BMPR1B: variants seen among roughly 807,000 people sequenced by gnomAD.
BMPR1B encodes the protein bone morphogenetic protein receptor type-1B.
A neutral mutation model predicts 59.1 loss-of-function variants in BMPR1B; 12 were observed. That is an observed-to-expected ratio of 0.20 (90% CI 0.13 to 0.33). The LOEUF (loss-of-function observed/expected upper bound fraction) is 0.33. Ranked by LOEUF, BMPR1B falls within the 10% of genes least tolerant of loss-of-function variation. BMPR1B has a pLI of 1.00. For synonymous variants in BMPR1B, 237 were observed against 207.3 expected (o/e 1.14, Z -1.23); for missense variants, 550 against 610.9 (o/e 0.90, Z 1.05).
At chr4:94,864,052 A>T (rs1247505711) in intron 1 of BMPR1B, among the ~76,000 whole-genome samples, 2 of 152,226 alleles carry the variant, frequency 1.3e-5, no homozygotes, top group Non-Finnish European at 2.9e-5. Context: ...CCTTTATTAT[A>T]CATTTTAGCT....
intron 1 of BMPR1B, among the ~76,000 whole-genome samples, chr4:94,841,460 C>G (rs899570814): frequency 6.6e-6 from 1 of 152,190 alleles, no homozygotes; most frequent in Non-Finnish European, 1.5e-5. Flanking sequence ...GATATAATCT[C>G]GTGCTGCGCT....
chr4:94,792,981 C>A (rs184697373), intron 1 of BMPR1B, among the ~76,000 whole-genome samples: 23 of 150,062 alleles, frequency 1.5e-4, no homozygotes, highest in Admixed American at 1.3e-3. Context: ...TAATGATTTT[C>A]CAATAGAAGG....
chr4:95,085,078 G>A (rs190201063), intron 3 of BMPR1B, among the ~76,000 whole-genome samples: 132 of 152,272 alleles, frequency 8.7e-4, no homozygotes, highest in Middle Eastern at 6.8e-3. Context: ...TCCTCTCAGA[G>A]TTCTCATCCC....
chr4:94,966,940 T>C (rs1438103412), intron 2 of BMPR1B, among the ~76,000 whole-genome samples: 2 of 152,170 alleles, frequency 1.3e-5, no homozygotes, highest in Admixed American at 6.5e-5. Context: ...CTGGAAGTTC[T>C]ATGAAGAGAG....
At chr4:94,980,944 G>A (rs956689610) in intron 2 of BMPR1B, among the ~76,000 whole-genome samples, 2 of 151,830 alleles carry the variant, frequency 1.3e-5, no homozygotes, top group Admixed American at 6.6e-5. Flanking sequence ...GCAGTGAGCC[G>A]AGATTGCATT....
chr4:95,073,065 A>C (rs911293282), intron 3 of BMPR1B, among the ~76,000 whole-genome samples: 7 of 152,204 alleles, frequency 4.6e-5, no homozygotes, highest in Non-Finnish European at 8.8e-5. Flanking sequence ...TCTATCTGTT[A>C]TGCTTCTTGG....
At chr4:94,996,416 C>T (rs962043955) in intron 3 of BMPR1B, 2 of 152,128 alleles carry the variant, frequency 1.3e-5, no homozygotes, top group Non-Finnish European at 2.9e-5. Flanking sequence ...CTGTCAAACT[C>T]GAGGTCTTCC....
At chr4:95,154,089 T>G (rs1418378226) in intron 12 of BMPR1B, among the ~76,000 whole-genome samples, 1 of 152,218 alleles carries the variant, frequency 6.6e-6, no homozygotes, top group Non-Finnish European at 1.5e-5. Flanking sequence ...GGAGAAAGTT[T>G]TAGTGATGCT....
In BMPR1B at chr4:95,129,947, G is replaced by T. The variant is rs35973133; in HGVS notation, c.671G>T (p.Arg224Leu). The T allele has an allele frequency of 6.2e-6, 10 of 1,613,942 alleles. No individual in the cohort carries two copies. Among genetic ancestry groups the T allele is most frequent in the East Asian group, 2.2e-5 (1 of 44,878 alleles). Residue 224 changes from arginine to leucine, a missense_variant, in exon 9 of 13, where the codon CGT (arginine) becomes CTT (leucine). Arg to Leu is a moderately radical substitution (Grantham distance 102). This residue lies in a region of BMPR1B where 318 missense variants were observed against 284.6 expected (regional missense o/e 1.12). Transcript: ENST00000515059. ...GGGGAAGTTTGGATGGGAAAGTGGC[G>T]TGGCGAAAAGGTAGCTGTGAAAGTG... ...RYGEVWMGKW[R>L]GEKVAVKVFF... is the part of the protein sequence containing the mutation.
intron 2 of BMPR1B, among the ~76,000 whole-genome samples, chr4:94,887,583 T>C (rs963440615): frequency 6.6e-6 from 1 of 151,252 alleles, no homozygotes; most frequent in Non-Finnish European, 1.5e-5. Context: ...GGTAAATAAA[T>C]ACAAGAAAAT....
At chr4:95,058,622 A>G (rs1727109565) in intron 3 of BMPR1B, among the ~76,000 whole-genome samples, 1 of 152,186 alleles carries the variant, frequency 6.6e-6, no homozygotes, top group Non-Finnish European at 1.5e-5. Context: ...GCCAAGGCCA[A>G]TAGCACGGAG....
intron 2 of BMPR1B, among the ~76,000 whole-genome samples, chr4:94,922,587 G>C (rs1728745395): frequency 6.6e-6 from 1 of 152,080 alleles, no homozygotes; most frequent in African/African-American, 2.4e-5. Context: ...GGGAACCTTT[G>C]ATGGTAATTT....
intron 3 of BMPR1B, among the ~76,000 whole-genome samples, chr4:95,015,894 T>C (rs1202610480): frequency 6.6e-6 from 1 of 152,182 alleles, no homozygotes; most frequent in Non-Finnish European, 1.5e-5. Context: ...GGTTTCACCA[T>C]GTTGGCCAGT....
chr4:94,903,932 A>T (rs191625259), intron 2 of BMPR1B, among the ~76,000 whole-genome samples: 2 of 152,152 alleles, frequency 1.3e-5, no homozygotes, highest in East Asian at 3.9e-4. Flanking sequence ...TCTTTAAGCC[A>T]TCCAATGTGT....
At chr4:94,995,238 A>G (rs1314014244) in intron 2 of BMPR1B, among the ~76,000 whole-genome samples, 2 of 152,198 alleles carry the variant, frequency 1.3e-5, no homozygotes, top group African/African-American at 2.4e-5. Flanking sequence ...TGTTATAAAT[A>G]TAGAAGTTTA....
At chr4:95,097,187 T>C (rs1313412036) in intron 3 of BMPR1B, among the ~76,000 whole-genome samples, 2 of 149,496 alleles carry the variant, frequency 1.3e-5, no homozygotes, top group African/African-American at 4.9e-5. Context: ...ACCACACATG[T>C]GTAGTGTCTG....
chr4:94,835,997 A>G lies in BMPR1B; in HGVS notation c.-182-39834A>G, dbSNP rs368344426. ...ATTGTTCAATTCCCACCTATGAGTGAGAATGTGCGGTGTTTGGTTTTTTGT... is the reference window on the plus strand; with the variant it reads ...ATTGTTCAATTCCCACCTATGAGTGGGAATGTGCGGTGTTTGGTTTTTTGT... On this transcript the variant is annotated intron_variant, in intron 1 of 12. Coordinates refer to ENST00000515059, the MANE Select transcript of BMPR1B (RefSeq NM_001203.3). 6.2e-5 allele frequency among the ~76,000 whole-genome samples: 9 copies of G among 145,504 alleles called. No homozygotes were observed. In the East Asian group the frequency reaches 1.6e-3, roughly 26 times the overall value.
chr4:94,883,455 A>C (rs547200671), intron 2 of BMPR1B, among the ~76,000 whole-genome samples: 24 of 152,256 alleles, frequency 1.6e-4, no homozygotes, highest in African/African-American at 5.3e-4. Context: ...TCTCATATTC[A>C]TTACTCATCC....
intron 1 of BMPR1B, among the ~76,000 whole-genome samples, chr4:94,853,584 G>A (rs1725642910): frequency 6.6e-6 from 1 of 152,080 alleles, no homozygotes; most frequent in Non-Finnish European, 1.5e-5. Flanking sequence ...TTTGGTTTAA[G>A]AGATATTCAA....
Sources: allele counts gnomAD v4.1 joint callset (sites outside exome capture counted in the v4.1 genomes callset), GRCh38; gene constraint gnomAD v4.1.1; regional missense constraint gnomAD v4.1.1; transcripts MANE v1.5; gene names NCBI Gene and HGNC (gene_info 2026-07-23, HGNC 2026-07-21).